PSMD14: variants seen among roughly 807,000 people sequenced by gnomAD.
The protein encoded by PSMD14 is proteasome 26S subunit, non-ATPase 14.
A neutral mutation model predicts 41.2 loss-of-function variants in PSMD14; 7 were observed. The observed-to-expected ratio is 0.17, with a 90% confidence interval of 0.10 to 0.32. PSMD14 has a LOEUF of 0.32. Among genes scored for constraint, PSMD14 ranks in the 10% least tolerant of loss-of-function variants. PSMD14 has a pLI of 1.00. For synonymous variants in PSMD14, 114 were observed against 122.3 expected, an observed-to-expected ratio of 0.93 and a Z score of 0.45; for missense variants, 139 against 375.6, an observed-to-expected ratio of 0.37 and a Z score of 5.21.
chr2:161,343,537 CTGTT>C (rs1247354900), intron 3 of PSMD14, among the ~76,000 whole-genome samples: 4 of 152,138 alleles, frequency 2.6e-5, no homozygotes, highest in Non-Finnish European at 2.9e-5. Context: ...GTAGAAATAT[CTGTT>C]TGAGGATCGG....
At position 161,411,510 on chromosome 2, in the gene PSMD14, T is replaced by A; in HGVS notation, c.*110T>A. On this transcript the variant is annotated 3_prime_UTR_variant, in exon 12 of 12. Transcript: ENST00000409682. ...TGTACTTGGCTAAATGTAAGACATC[T>A]GGCATCATTTGCAGCACTGTAACAC... is the stretch of plus-strand genomic sequence containing the variant. The A allele has an allele frequency of 1.6e-6, 1 of 615,606 alleles. No individual in the cohort carries two copies. The highest frequency in any genetic ancestry group is 2.6e-6 in the Non-Finnish European group (1 of 379,294). 38.1% of individuals were successfully genotyped at this position (615,606 alleles called of 1,614,324 possible).
In PSMD14 at chr2:161,411,535, C is replaced by A. The variant is rs1442708041; in HGVS notation, c.*135C>A. 11 of 471,294 alleles carry A rather than the reference C, an allele frequency of 2.3e-5. No homozygotes were observed. The highest frequency in any genetic ancestry group is 1.2e-4 in the Admixed American group (3 of 24,428). 29.2% of individuals were successfully genotyped at this position (471,294 alleles called of 1,614,324 possible). A position where few individuals can be genotyped will look rare whatever the true frequency, so the allele number is the denominator to read the frequency against. ...TGGCATCATTTGCAGCACTGTAACA[C>A]CTTCAGTCTCAGTTGTGCAATTACT... is the stretch of plus-strand genomic sequence containing the variant. On this transcript the variant is annotated 3_prime_UTR_variant, in exon 12 of 12. Coordinates refer to ENST00000409682, the MANE Select transcript of PSMD14 (RefSeq NM_005805.6).
At chr2:161,319,458 C>G (rs747127129) in intron 3 of PSMD14, among the ~76,000 whole-genome samples, 1 of 151,914 alleles carries the variant, frequency 6.6e-6, no homozygotes, top group East Asian at 1.9e-4. Flanking sequence ...GGCAAATGAC[C>G]TCTAGATTTC....
At chr2:161,366,880 G>C (rs1439297584) in intron 3 of PSMD14, among the ~76,000 whole-genome samples, 1 of 152,146 alleles carries the variant, frequency 6.6e-6, no homozygotes, top group Non-Finnish European at 1.5e-5. Context: ...GATTTTGGAA[G>C]TATTTTCACG....
chr2:161,337,405 A>T (rs1298256137), intron 3 of PSMD14, among the ~76,000 whole-genome samples: 1 of 152,194 alleles, frequency 6.6e-6, no homozygotes, highest in East Asian at 1.9e-4. Flanking sequence ...TACATATGTT[A>T]TCTCATTTAA....
chr2:161,343,065 G>A (rs1219123023), intron 3 of PSMD14, among the ~76,000 whole-genome samples: 2 of 151,930 alleles, frequency 1.3e-5, no homozygotes, highest in East Asian at 3.9e-4. Context: ...TTTTTTAATT[G>A]TGATCATACA....
chr2:161,311,870 C>T, intron 1 of PSMD14, among the ~76,000 whole-genome samples: 1 of 151,956 alleles, frequency 6.6e-6, no homozygotes, highest in East Asian at 1.9e-4. Flanking sequence ...CCGCCTCGGC[C>T]TCCCAAAGAG....
At chr2:161,334,883 A>G (rs543991677) in intron 3 of PSMD14, among the ~76,000 whole-genome samples, 6 of 152,250 alleles carry the variant, frequency 3.9e-5, no homozygotes, top group Non-Finnish European at 5.9e-5. Context: ...GTGTTTTTCT[A>G]TCTGTTCCCT....
chr2:161,316,105 A>G (rs1457138757), intron 1 of PSMD14, among the ~76,000 whole-genome samples: 1 of 152,158 alleles, frequency 6.6e-6, no homozygotes, highest in African/African-American at 2.4e-5. Flanking sequence ...TGGCCTCCCA[A>G]AGTGCTGGGA....
intron 3 of PSMD14, among the ~76,000 whole-genome samples, chr2:161,333,685 A>G (rs1185075505): frequency 6.6e-6 from 1 of 152,248 alleles, no homozygotes; most frequent in Admixed American, 6.5e-5. Flanking sequence ...AGACCCTTCA[A>G]CCTCCTCAAG....
chr2:161,404,869 C>G (rs1385961150), intron 10 of PSMD14, among the ~76,000 whole-genome samples: 1 of 152,202 alleles, frequency 6.6e-6, no homozygotes, highest in Non-Finnish European at 1.5e-5. Context: ...TTCCAAGATT[C>G]AGCCCTTGCC....
At chr2:161,387,264 A>G (rs1176342942) in intron 8 of PSMD14, among the ~76,000 whole-genome samples, 1 of 151,804 alleles carries the variant, frequency 6.6e-6, no homozygotes, top group African/African-American at 2.4e-5. Context: ...TTATTTTTCT[A>G]AGACAAGCTA....
At chr2:161,404,606 G>A (rs1468368564) in intron 10 of PSMD14, among the ~76,000 whole-genome samples, 1 of 151,960 alleles carries the variant, frequency 6.6e-6, no homozygotes, top group East Asian at 1.9e-4. Context: ...CAGTATTCTC[G>A]GAGTCATAAC....
chr2:161,407,171 T>C (rs781548684), intron 10 of PSMD14, among the ~76,000 whole-genome samples: 1 of 152,146 alleles, frequency 6.6e-6, no homozygotes, highest in African/African-American at 2.4e-5. Flanking sequence ...TAAAGTTTAG[T>C]GTCACAATTT....
chr2:161,341,831 CCTT>C (rs981861915), intron 3 of PSMD14, among the ~76,000 whole-genome samples: 2 of 142,482 alleles, frequency 1.4e-5, no homozygotes, highest in African/African-American at 5.3e-5. Flanking sequence ...GAACAAGTCT[CCTT>C]CTCCAAAAAA....
chr2:161,390,572 G>C (rs923180672), intron 8 of PSMD14, among the ~76,000 whole-genome samples: 2 of 152,124 alleles, frequency 1.3e-5, no homozygotes, highest in African/African-American at 4.8e-5. Flanking sequence ...CATGTCACTG[G>C]ATAAGAGCAT....
chr2:161,312,300 C>T (rs1198633918), intron 1 of PSMD14, among the ~76,000 whole-genome samples: 1 of 152,058 alleles, frequency 6.6e-6, no homozygotes, highest in Non-Finnish European at 1.5e-5. Flanking sequence ...CCCGTCACCA[C>T]GCCCAGCTAA....
intron 3 of PSMD14, among the ~76,000 whole-genome samples, chr2:161,364,544 G>C (rs931872878): frequency 2.0e-5 from 3 of 151,800 alleles, no homozygotes; most frequent in African/African-American, 7.3e-5. Context: ...AGCTGTTCAT[G>C]TTCTTACATA....
At chr2:161,395,349 A>C in intron 10 of PSMD14, 146 bp downstream of exon 10, 3 of 770,738 alleles carry the variant, frequency 3.9e-6, no homozygotes, top group Non-Finnish European at 6.1e-6. Flanking sequence ...TCTGGTCTGC[A>C]ACTACTCACC....
Sources: allele counts gnomAD v4.1 joint callset (sites outside exome capture counted in the v4.1 genomes callset), GRCh38; gene constraint gnomAD v4.1.1; transcripts MANE v1.5; gene names NCBI Gene and HGNC (gene_info 2026-07-23, HGNC 2026-07-21).